The following NFATC1 variants were observed in gnomAD, a reference collection of about 807,000 sequenced individuals.
NFATC1 encodes nuclear factor of activated T cells 1, also known as nuclear factor of activated T-cells, cytoplasmic 1.
Under a neutral mutation model 76.0 loss-of-function variants are expected in NFATC1, and 22 were observed. The ratio of observed to expected loss-of-function variants is 0.29; its 90% CI spans 0.21 to 0.41. The LOEUF (loss-of-function observed/expected upper bound fraction) is 0.41, where lower values mean the gene tolerates loss of function less well. Among genes scored for constraint, NFATC1 ranks in the 10% least tolerant of loss-of-function variants. The pLI is 1.00. For missense variants in NFATC1, 1,357 were observed against 1,337.7 expected (o/e 1.01, Z -0.23); for synonymous variants, 704 against 613.1 (o/e 1.15, Z -2.19).
intron 7 of NFATC1, among the ~76,000 whole-genome samples, chr18:79,462,580 A>G (rs1004986985): frequency 3.9e-5 from 6 of 152,250 alleles, no homozygotes; most frequent in Non-Finnish European, 5.9e-5. Flanking sequence ...CTGGGATTAC[A>G]GGCATGAGCC....
chr18:79,474,496 ACTGT>A lies in NFATC1; in HGVS notation c.2092+6916_2092+6919del, dbSNP rs1253592799. 4.6e-3 allele frequency among the ~76,000 whole-genome samples: 671 copies of A among 145,956 alleles called. 15 individuals are homozygous for A. Among genetic ancestry groups the A allele is most frequent in the African/African-American group, 0.015 (575 of 38,962 alleles). ...CTGAGGGAAGCGTGTTCTCACACTC[ACTGT>A]CGACGTTGCAAGGGAAGCGTGTTCT... On this transcript the variant is annotated intron_variant, in intron 8 of 9. Transcript: ENST00000427363.
At chr18:79,467,734 TGAAAAGGAAAG>T in intron 8 of NFATC1, 152 bp downstream of exon 8, 1 of 1,203,372 alleles carries the variant, frequency 8.3e-7, no homozygotes, top group Non-Finnish European at 1.0e-6. Flanking sequence ...ATCGATGCCC[TGAAAAGGAAAG>T]GAAAAGGGAA....
intron 1 of NFATC1, among the ~76,000 whole-genome samples, chr18:79,396,844 C>A (rs1044901912): frequency 6.6e-6 from 1 of 151,830 alleles, no homozygotes; most frequent in African/African-American, 2.4e-5. Flanking sequence ...CCTCGCGCCG[C>A]GCCCCTGAAT....
At chr18:79,480,357 G>A (rs576448587) in intron 8 of NFATC1, among the ~76,000 whole-genome samples, 3 of 152,252 alleles carry the variant, frequency 2.0e-5, no homozygotes, top group African/African-American at 4.8e-5. Context: ...CCAACCTGGC[G>A]GGGTCCCAGC....
intron 2 of NFATC1, among the ~76,000 whole-genome samples, chr18:79,414,603 A>G (rs540753828): frequency 6.6e-6 from 1 of 152,310 alleles, no homozygotes; most frequent in East Asian, 1.9e-4. Context: ...TAGAACCTTG[A>G]TAGTTTTAGA....
intron 6 of NFATC1, among the ~76,000 whole-genome samples, chr18:79,455,746 T>TCCCGGCCGCCCCATCC (rs1555910047): frequency 6.7e-6 from 1 of 148,254 alleles, no homozygotes; most frequent in African/African-American, 2.5e-5. Flanking sequence ...GCCCCCCATC[T>TCCCGGCCGCCCCATCC]CACGGCCGCC....
intron 1 of NFATC1, among the ~76,000 whole-genome samples, chr18:79,407,848 G>C (rs2085495888): frequency 1.3e-5 from 2 of 152,206 alleles, no homozygotes; most frequent in South Asian, 4.1e-4. Context: ...GGCGGGACTG[G>C]GGCCTGGCTA....
chr18:79,400,052 C>T (rs2085134872), intron 1 of NFATC1, among the ~76,000 whole-genome samples: 1 of 151,840 alleles, frequency 6.6e-6, no homozygotes, highest in Non-Finnish European at 1.5e-5. Context: ...CCCGACGCCC[C>T]TACCCCCGGG....
intron 2 of NFATC1, among the ~76,000 whole-genome samples, chr18:79,415,025 C>T (rs138506814): frequency 1.4e-3 from 215 of 152,330 alleles, no homozygotes; most frequent in Non-Finnish European, 2.5e-3. Flanking sequence ...CGTTCGGCCT[C>T]CTCCACCTGG....
intron 8 of NFATC1, among the ~76,000 whole-genome samples, chr18:79,478,474 C>T (rs957649756): frequency 2.6e-5 from 4 of 152,118 alleles, no homozygotes; most frequent in Non-Finnish European, 4.4e-5. Flanking sequence ...TGCATAGACC[C>T]GGCTGGGGCT....
rs2088686247 is a variant in NFATC1 at position 79,469,511 on chromosome 18, C to A, written c.2092+1929C>A. 3.0e-6 allele frequency: 3 copies of A among 985,736 alleles called. No homozygotes were observed. In the South Asian group the frequency reaches 1.4e-4, roughly 46 times the overall value. The allele number at this position is 985,736 out of a possible 1,614,324, so 61.1% of individuals were successfully genotyped here. ...CTCCTGCTACCTCCAGTCCACACCC[C>A]ACCTGGCAGCCGGCCGTCCTGTCCT... On this transcript the variant is annotated intron_variant, in intron 8 of 9. Transcript: ENST00000427363.
intron 9 of NFATC1, among the ~76,000 whole-genome samples, chr18:79,514,520 C>T (rs1196670620): frequency 2.3e-5 from 3 of 130,008 alleles, no homozygotes; most frequent in East Asian, 2.2e-4. Context: ...GAGCTGTGAT[C>T]GAACCACTGC....
chr18:79,500,662 AAG>A (rs2089993395), intron 9 of NFATC1, among the ~76,000 whole-genome samples: 3 of 152,130 alleles, frequency 2.0e-5, no homozygotes, highest in South Asian at 2.1e-4. Context: ...TTAGGAATGA[AAG>A]AGGGGACATT....
intron 9 of NFATC1, among the ~76,000 whole-genome samples, chr18:79,507,520 C>T (rs1463444458): frequency 2.0e-5 from 3 of 152,240 alleles, no homozygotes; most frequent in Non-Finnish European, 2.9e-5. Flanking sequence ...GACCTCACCC[C>T]TCAAGTGGAT....
At chr18:79,447,639 A>G (rs2087269750) in intron 3 of NFATC1, among the ~76,000 whole-genome samples, 1 of 152,170 alleles carries the variant, frequency 6.6e-6, no homozygotes, top group Non-Finnish European at 1.5e-5. Context: ...AGGCACTCTG[A>G]ACGAGGGGCC....
intron 9 of NFATC1, among the ~76,000 whole-genome samples, chr18:79,510,546 G>A (rs936409222): frequency 6.6e-6 from 1 of 152,180 alleles, no homozygotes; most frequent in African/African-American, 2.4e-5. Context: ...AAAACTTTTC[G>A]GAGGAACAGG....
intron 9 of NFATC1, among the ~76,000 whole-genome samples, chr18:79,502,629 T>G (rs1476815709): frequency 6.6e-6 from 1 of 152,136 alleles, no homozygotes; most frequent in Non-Finnish European, 1.5e-5. Flanking sequence ...AGCTCAATAA[T>G]AAGACAGAAA....
chr18:79,400,419 G>C, intron 1 of NFATC1: 1 of 1,495,966 alleles, frequency 6.7e-7, no homozygotes, highest in Non-Finnish European at 8.9e-7. Flanking sequence ...CCAGGAGTTC[G>C]ACTTCGAGTT....
chr18:79,409,394 C>T (rs76192411), intron 1 of NFATC1, among the ~76,000 whole-genome samples: 21,690 of 151,436 alleles, frequency 0.14, 1,758 homozygotes, highest in African/African-American at 0.22. Context: ...TCCATTATTC[C>T]TCCATTCCTC....
Sources: gnomAD v4.1 joint callset for allele counts (sites outside exome capture counted in the v4.1 genomes callset) on GRCh38, gnomAD v4.1.1 for gene constraint, MANE v1.5 for transcripts, NCBI Gene and HGNC (gene_info 2026-07-23, HGNC 2026-07-21) for gene names.